The following CAMK4 variants were observed in gnomAD, a reference collection of about 807,000 sequenced individuals.
CAMK4 encodes the protein calcium/calmodulin dependent protein kinase IV.
A neutral mutation model predicts 44.9 loss-of-function variants in CAMK4; 22 were observed. The ratio of observed to expected loss-of-function variants is 0.49; its 90% CI spans 0.35 to 0.70. The LOEUF is 0.70. Among genes scored for constraint, CAMK4 ranks in the 30% least tolerant of loss-of-function variants. The pLI is 0.01. For synonymous variants in CAMK4, 218 were observed against 215.4 expected, an observed-to-expected ratio of 1.01 and a Z score of -0.11; for missense variants, 498 against 586.8, an observed-to-expected ratio of 0.85 and a Z score of 1.56.
intron 1 of CAMK4, among the ~76,000 whole-genome samples, chr5:111,231,257 G>C (rs1177621795): frequency 6.6e-6 from 1 of 152,182 alleles, no homozygotes; most frequent in African/African-American, 2.4e-5. Context: ...GTGATTCATA[G>C]TGATGGGTAA....
intron 1 of CAMK4, among the ~76,000 whole-genome samples, chr5:111,328,518 T>C (rs1749004733): frequency 6.6e-6 from 1 of 152,128 alleles, no homozygotes; most frequent in Non-Finnish European, 1.5e-5. Context: ...CCATATGAAC[T>C]TTCAAGTAGT....
At chr5:111,435,773 AC>A (rs1388949494) in intron 5 of CAMK4, among the ~76,000 whole-genome samples, 4 of 152,182 alleles carry the variant, frequency 2.6e-5, no homozygotes, top group Non-Finnish European at 4.4e-5. Context: ...CATTAGCCAA[AC>A]CTTTCCATAG....
intron 10 of CAMK4, 89 bp from the exon 11 acceptor site, chr5:111,483,937 C>T (rs1755518879): frequency 2.0e-6 from 2 of 1,014,220 alleles, no homozygotes; most frequent in Non-Finnish European, 2.8e-6. Context: ...ACCTATAAAA[C>T]GGAATCCCTA....
chr5:111,473,450 T>A (rs945800316), intron 8 of CAMK4, 64 bp downstream of exon 8: 1 of 999,714 alleles, frequency 1.0e-6, no homozygotes, highest in Non-Finnish European at 1.6e-6. Context: ...TCTAGATACC[T>A]CTAATGCTCA....
chr5:111,408,356 G>A (rs928571502), intron 5 of CAMK4, among the ~76,000 whole-genome samples: 1 of 152,176 alleles, frequency 6.6e-6, no homozygotes, highest in African/African-American at 2.4e-5. Context: ...GAAGGCAAAG[G>A]AGAAGCAAAG....
chr5:111,408,122 GA>G (rs1216536388), intron 5 of CAMK4, among the ~76,000 whole-genome samples: 1 of 151,800 alleles, frequency 6.6e-6, no homozygotes, highest in East Asian at 1.9e-4. Context: ...AAGAAAGAGA[GA>G]GAGAGAGAGA....
intron 5 of CAMK4, among the ~76,000 whole-genome samples, chr5:111,418,430 T>G (rs372431931): frequency 9.5e-5 from 13 of 137,488 alleles, no homozygotes; most frequent in African/African-American, 3.7e-4. Flanking sequence ...GATAACTTCT[T>G]ATCAGGAGAC....
At chr5:111,385,050 T>C (rs988216412) in intron 4 of CAMK4, among the ~76,000 whole-genome samples, 1 of 152,176 alleles carries the variant, frequency 6.6e-6, no homozygotes, top group African/African-American at 2.4e-5. Context: ...TAGACGCTAA[T>C]ATTTTTTAAG....
At chr5:111,278,678 G>A (rs1750874840) in intron 1 of CAMK4, among the ~76,000 whole-genome samples, 1 of 152,106 alleles carries the variant, frequency 6.6e-6, no homozygotes, top group African/African-American at 2.4e-5. Flanking sequence ...GTTTTTATTT[G>A]GCAATTGAGT....
chr5:111,375,037 G>T (rs2112823418), intron 3 of CAMK4, 125 bp downstream of exon 3: 2 of 662,602 alleles, frequency 3.0e-6, no homozygotes, highest in South Asian at 3.7e-5. Flanking sequence ...CTATGTGCTA[G>T]CTCTTGTCCT....
chr5:111,443,314 AC>A (rs1561491409), intron 5 of CAMK4, among the ~76,000 whole-genome samples: 40 of 116,482 alleles, frequency 3.4e-4, no homozygotes, highest in African/African-American at 1.1e-3. Context: ...ACACACACAC[AC>A]TATATATATA....
intron 7 of CAMK4, among the ~76,000 whole-genome samples, chr5:111,460,329 G>A (rs541122546): frequency 1.1e-3 from 146 of 131,100 alleles, no homozygotes; most frequent in Non-Finnish European, 2.0e-3. Flanking sequence ...GTGCAGTGGT[G>A]CAATCGATCT....
chr5:111,434,247 C>T (rs1046768084), intron 5 of CAMK4, among the ~76,000 whole-genome samples: 3 of 148,706 alleles, frequency 2.0e-5, no homozygotes, highest in Admixed American at 1.4e-4. Flanking sequence ...GAGCCAAGAT[C>T]GCGCCACTGC....
Position 111,449,205 on chromosome 5 carries a change from T to TA in CAMK4, c.625+3dup. 2 of 1,385,582 alleles carry TA rather than the reference T, an allele frequency of 1.4e-6. No homozygotes were observed. Among genetic ancestry groups the TA allele is most frequent in the Non-Finnish European group, 2.0e-6 (2 of 992,826 alleles). The allele number at this position is 1,385,582 out of a possible 1,614,324, so 85.8% of individuals were successfully genotyped here. On this transcript the variant is annotated splice_region_variant and intron_variant, in intron 7 of 10. Coordinates refer to ENST00000282356, the MANE Select transcript of CAMK4 (RefSeq NM_001744.6). ...TATGTGGAACCCCAGGGTACTGCGG[T>TA]ATGCTCTTTAATAATTATATTTTAC... is the stretch of plus-strand genomic sequence containing the variant.
chr5:111,471,095 A>T (rs31616), intron 7 of CAMK4, among the ~76,000 whole-genome samples: 111,211 of 152,166 alleles, frequency 0.73, 41,178 homozygotes, highest in Non-Finnish European at 0.79. Flanking sequence ...TATCTCCTGT[A>T]ACAATTGTTT....
intron 1 of CAMK4, among the ~76,000 whole-genome samples, chr5:111,338,636 T>A (rs1390703989): frequency 6.6e-6 from 1 of 151,418 alleles, no homozygotes; most frequent in African/African-American, 2.4e-5. Flanking sequence ...TTGAGTTAAC[T>A]TTTGTATATG....
At chr5:111,421,478 A>G (rs1753030851) in intron 5 of CAMK4, among the ~76,000 whole-genome samples, 1 of 152,252 alleles carries the variant, frequency 6.6e-6, no homozygotes, top group African/African-American at 2.4e-5. Context: ...AACACCGTGA[A>G]TGCCAGTAGG....
At chr5:111,297,570 G>C (rs1425181319) in intron 1 of CAMK4, among the ~76,000 whole-genome samples, 1 of 152,076 alleles carries the variant, frequency 6.6e-6, no homozygotes, top group Non-Finnish European at 1.5e-5. Context: ...ACTATGATTT[G>C]TTTAAATATT....
At chr5:111,394,667 G>A (rs1232250639) in intron 4 of CAMK4, 43 bp from the exon 5 acceptor site, 10 of 1,320,708 alleles carry the variant, frequency 7.6e-6, no homozygotes, top group East Asian at 7.0e-5. Flanking sequence ...CCATTCTTCT[G>A]AATGAATGTG....
Sources: gnomAD v4.1 joint callset for allele counts (sites outside exome capture counted in the v4.1 genomes callset) on GRCh38, gnomAD v4.1.1 for gene constraint, MANE v1.5 for transcripts, NCBI Gene and HGNC (gene_info 2026-07-23, HGNC 2026-07-21) for gene names.